The following STARD13 variants were observed in gnomAD, a reference collection of about 807,000 sequenced individuals.
STARD13 encodes StAR related lipid transfer domain containing 13, also known as stAR-related lipid transfer protein 13.
STARD13 carries 62 observed loss-of-function variants against 106.4 expected under a neutral mutation model. That is an observed-to-expected ratio of 0.58 (90% CI 0.48 to 0.72). The LOEUF is 0.72. STARD13 is among the 30% of genes least tolerant of loss of function. STARD13 has a pLI of 0.00. For synonymous variants in STARD13, 565 were observed against 553.0 expected, an observed-to-expected ratio of 1.02 and a Z score of -0.31; for missense variants, 1,387 against 1,424.0, an observed-to-expected ratio of 0.97 and a Z score of 0.42.
the STARD13 span, among the ~76,000 whole-genome samples, chr13:33,534,175 T>C: frequency 6.6e-6 from 1 of 152,226 alleles, no homozygotes; most frequent in Non-Finnish European, 1.5e-5. Context: ...ACTTTTTCTA[T>C]ACTCTCAGAT....
chr13:33,493,398 G>A, the STARD13 span, among the ~76,000 whole-genome samples: 2 of 152,142 alleles, frequency 1.3e-5, no homozygotes, highest in Admixed American at 1.3e-4. Flanking sequence ...GTCCAAACCG[G>A]TAGAACTATG....
At chr13:33,275,979 T>C (rs1380176579) in intron 1 of STARD13, 1 of 152,348 alleles carries the variant, frequency 6.6e-6, no homozygotes, top group East Asian at 1.9e-4. Context: ...CAATAGATAA[T>C]GAACACAGTC....
chr13:33,432,739 G>T, the STARD13 span, among the ~76,000 whole-genome samples: 1 of 152,096 alleles, frequency 6.6e-6, no homozygotes, highest in Non-Finnish European at 1.5e-5. Context: ...AATTATGGCT[G>T]CTTTTTAATG....
At chr13:33,611,528 T>G in the STARD13 span, 1 of 152,226 alleles carries the variant, frequency 6.6e-6, no homozygotes, top group Admixed American at 6.5e-5. Context: ...CCTTAGTTGC[T>G]CTAATAGCAA....
At chr13:33,186,634 T>C (rs1431993986) in intron 1 of STARD13, among the ~76,000 whole-genome samples, 1 of 152,178 alleles carries the variant, frequency 6.6e-6, no homozygotes, top group Non-Finnish European at 1.5e-5. Flanking sequence ...CTTTTTTCTG[T>C]GGAGTGTGGC....
At chr13:33,543,005 A>C in the STARD13 span, among the ~76,000 whole-genome samples, 1 of 152,158 alleles carries the variant, frequency 6.6e-6, no homozygotes, top group Non-Finnish European at 1.5e-5. Flanking sequence ...TCTGAAGCGG[A>C]AGCTGCCTGT....
At chr13:33,110,500 A>G (rs1874376619) in intron 11 of STARD13, among the ~76,000 whole-genome samples, 186 bp downstream of exon 11, 1 of 152,148 alleles carries the variant, frequency 6.6e-6, no homozygotes, top group Non-Finnish European at 1.5e-5. Context: ...GTCCGGCTCC[A>G]TAGTTTACTC....
intron 3 of STARD13, among the ~76,000 whole-genome samples, chr13:33,149,121 A>G (rs1880930187): frequency 6.6e-6 from 1 of 152,218 alleles, no homozygotes; most frequent in South Asian, 2.1e-4. Flanking sequence ...CTATGATACT[A>G]TAATGGTGGA....
chr13:33,395,678 G>C, the STARD13 span, among the ~76,000 whole-genome samples: 1 of 152,156 alleles, frequency 6.6e-6, no homozygotes, highest in Non-Finnish European at 1.5e-5. Flanking sequence ...GTGAGACTAT[G>C]CTAGAAACCA....
chr13:33,638,625 A>G, the STARD13 span, among the ~76,000 whole-genome samples: 11 of 152,194 alleles, frequency 7.2e-5, no homozygotes, highest in African/African-American at 2.7e-4. Context: ...GTTTCTTTTC[A>G]GACTTAAAAA....
the STARD13 span, among the ~76,000 whole-genome samples, chr13:33,615,444 A>G: frequency 6.6e-6 from 1 of 152,220 alleles, no homozygotes; most frequent in Non-Finnish European, 1.5e-5. Context: ...AGTGCTTACT[A>G]TGTGCTTGGC....
chr13:33,112,012 G>A (rs143887480), intron 9 of STARD13, 120 bp from the exon 10 acceptor site: 82 of 610,470 alleles, frequency 1.3e-4, no homozygotes, highest in African/African-American at 1.1e-3. Context: ...AGGCTTTTGC[G>A]TTTCCAAATA....
At chr13:33,654,117 C>T in the STARD13 span, among the ~76,000 whole-genome samples, 5 of 152,118 alleles carry the variant, frequency 3.3e-5, no homozygotes, top group African/African-American at 4.8e-5. Context: ...GGGAAAGTTC[C>T]TCAAAAAGTT....
At chr13:33,127,327 T>A (rs376388682) in intron 6 of STARD13, 46 bp downstream of exon 6, 89 of 1,504,254 alleles carry the variant, frequency 5.9e-5, no homozygotes, top group Non-Finnish European at 7.6e-5. Flanking sequence ...ATCACACACT[T>A]AGCTCTAGAG....
At chr13:33,582,120 G>A in the STARD13 span, among the ~76,000 whole-genome samples, 4 of 151,970 alleles carry the variant, frequency 2.6e-5, no homozygotes, top group African/African-American at 9.7e-5. Flanking sequence ...TACTCAGGAG[G>A]CTGAGGCAGG....
At chr13:33,122,685 G>A (rs1473466817) in intron 7 of STARD13, among the ~76,000 whole-genome samples, 1 of 152,126 alleles carries the variant, frequency 6.6e-6, no homozygotes, top group Admixed American at 6.5e-5. Flanking sequence ...GATAAAAGGC[G>A]AGTGATGAGT....
intron 1 of STARD13, among the ~76,000 whole-genome samples, chr13:33,294,464 G>A (rs1892413552): frequency 6.6e-6 from 1 of 152,204 alleles, no homozygotes; most frequent in Admixed American, 6.5e-5. Flanking sequence ...ACCAAAGTGG[G>A]AGACTGTGTT....
At chr13:33,496,871 G>T in the STARD13 span, among the ~76,000 whole-genome samples, 3 of 151,884 alleles carry the variant, frequency 2.0e-5, no homozygotes, top group Non-Finnish European at 4.4e-5. Context: ...TCTTTATATA[G>T]TTTCGTTTCT....
the STARD13 span, among the ~76,000 whole-genome samples, chr13:33,660,818 G>A: frequency 5.3e-5 from 8 of 152,236 alleles, no homozygotes; most frequent in East Asian, 5.8e-4. Context: ...TCCTAGCCTC[G>A]AATGATCCTC....
Sources: allele counts gnomAD v4.1 joint callset (sites outside exome capture counted in the v4.1 genomes callset), GRCh38; gene constraint gnomAD v4.1.1; transcripts MANE v1.5; gene names NCBI Gene and HGNC (gene_info 2026-07-23, HGNC 2026-07-21).